The following DOCK9 variants were observed in gnomAD, a reference collection of about 807,000 sequenced individuals.
DOCK9 encodes the protein dedicator of cytokinesis protein 9.
DOCK9 carries 89 observed loss-of-function variants against 263.3 expected under a neutral mutation model. That is an observed-to-expected ratio of 0.34 (90% CI 0.28 to 0.40). The LOEUF (loss-of-function observed/expected upper bound fraction) is 0.40. DOCK9 is among the 10% of genes least tolerant of loss of function. The pLI, the probability that DOCK9 is intolerant of heterozygous loss-of-function variation, is 1.00. For missense variants in DOCK9, 2,140 were observed against 2,603.4 expected, an observed-to-expected ratio of 0.82 and a Z score of 3.87; for synonymous variants, 976 against 973.1, an observed-to-expected ratio of 1.00 and a Z score of -0.06.
chr13:98,921,133 G>T, intron 6 of DOCK9, 45 bp from the exon 7 acceptor site: 1 of 1,552,782 alleles, frequency 6.4e-7, no homozygotes, highest in South Asian at 1.2e-5. Context: ...AAATGAAGAG[G>T]GTCACAATCT....
intron 13 of DOCK9, among the ~76,000 whole-genome samples, chr13:98,899,865 G>C (rs2048009581): frequency 6.6e-6 from 1 of 152,150 alleles, no homozygotes; most frequent in Non-Finnish European, 1.5e-5. Flanking sequence ...TTTTCCCTTT[G>C]GGCTTTTTTC....
intron 1 of DOCK9, among the ~76,000 whole-genome samples, chr13:98,975,484 C>T (rs903671351): frequency 3.3e-5 from 5 of 150,738 alleles, no homozygotes; most frequent in African/African-American, 9.7e-5. Context: ...CACACACACA[C>T]ACACACACAC....
chr13:98,885,619 C>G, intron 20 of DOCK9, 89 bp downstream of exon 20: 1 of 1,410,446 alleles, frequency 7.1e-7, no homozygotes, highest in Non-Finnish European at 9.4e-7. Flanking sequence ...GATCCCTTTG[C>G]AAAAAGATGG....
At chr13:98,970,382 G>A (rs1428915581) in intron 1 of DOCK9, among the ~76,000 whole-genome samples, 1 of 152,194 alleles carries the variant, frequency 6.6e-6, no homozygotes, top group Admixed American at 6.5e-5. Context: ...AGTGGAACAG[G>A]CAGTCCAGAG....
At chr13:98,919,159 G>C (rs2051422612) in intron 7 of DOCK9, among the ~76,000 whole-genome samples, 2 of 149,986 alleles carry the variant, frequency 1.3e-5, no homozygotes, top group Admixed American at 6.7e-5. Context: ...ACCCAGGCTA[G>C]AGTGCAATGG....
intron 27 of DOCK9, 56 bp from the exon 28 acceptor site, chr13:98,868,433 G>T: frequency 6.6e-7 from 1 of 1,520,484 alleles, no homozygotes; most frequent in Non-Finnish European, 8.9e-7. Flanking sequence ...TCATTTGGGA[G>T]GAAAAAATAT....
At chr13:99,054,629 A>T (rs537183010) in intron 1 of DOCK9, among the ~76,000 whole-genome samples, 79 of 152,350 alleles carry the variant, frequency 5.2e-4, no homozygotes, top group African/African-American at 1.9e-3. Flanking sequence ...AAGTTCTTCC[A>T]TTGCTACTGC....
chr13:98,948,175 G>A (rs1179158861), intron 2 of DOCK9, among the ~76,000 whole-genome samples: 2 of 152,152 alleles, frequency 1.3e-5, no homozygotes, highest in African/African-American at 2.4e-5. Context: ...GTAAGTAGAA[G>A]AGGAAAAGAA....
chr13:99,076,845 C>T (rs976557574), intron 1 of DOCK9, among the ~76,000 whole-genome samples: 14 of 152,008 alleles, frequency 9.2e-5, no homozygotes, highest in Non-Finnish European at 1.8e-4. Flanking sequence ...AGACATTAAG[C>T]AAATGTACAA....
intron 34 of DOCK9, among the ~76,000 whole-genome samples, chr13:98,853,864 G>A (rs563256705): frequency 2.6e-5 from 4 of 152,194 alleles, no homozygotes; most frequent in Non-Finnish European, 5.9e-5. Flanking sequence ...AAGTATGTGT[G>A]CTAGGATCAA....
intron 1 of DOCK9, among the ~76,000 whole-genome samples, chr13:99,054,350 A>G (rs2040829356): frequency 6.6e-6 from 1 of 152,232 alleles, no homozygotes; most frequent in Admixed American, 6.5e-5. Flanking sequence ...ATGGCCCACT[A>G]TAACCTAGAG....
At position 98,883,874 on chromosome 13, in the gene DOCK9, A is replaced by T; in HGVS notation, c.2408T>A (p.Val803Glu). 6.2e-7 allele frequency: 1 copy of T among 1,611,850 alleles called. No individual in the cohort carries two copies. The highest frequency in any genetic ancestry group is 1.1e-5 in the South Asian group (1 of 90,240). Residue 803 changes from valine (V) to glutamate (E), a missense_variant, in exon 22 of 53, where the codon GTA (valine) becomes GAA (glutamate). Physicochemically the swap from Val to Glu is moderately radical, Grantham distance 121 (BLOSUM62 -2). This residue lies in a region of DOCK9 where 1,521 missense variants were observed against 1,741.7 expected (regional missense o/e 0.87). Transcript: ENST00000682017. ...TTTCAGCAGTGGCTTGCCTCCATCT[A>T]CCCATTTAATTTCCGGACCATAATG... ...GRHYGPEIKW[V>E]DGGKPLLKIS...
intron 9 of DOCK9, among the ~76,000 whole-genome samples, chr13:98,908,305 G>A (rs1196760611): frequency 5.3e-5 from 8 of 152,176 alleles, no homozygotes; most frequent in African/African-American, 1.9e-4. Flanking sequence ...AGCCTTTTGG[G>A]ACGGTAACCT....
chr13:98,937,804 G>A (rs1236990726), intron 2 of DOCK9, among the ~76,000 whole-genome samples: 1 of 151,426 alleles, frequency 6.6e-6, no homozygotes, highest in Non-Finnish European at 1.5e-5. Context: ...TCCAAGTCTA[G>A]TTTGGAATGA....
chr13:98,829,823 G>T lies in DOCK9; in HGVS notation c.4636-67C>A. Reference sequence around the variant, plus strand: ...ATGACTGCCCAGGCTGGGCTTCTGCGTTCAGTTAGGATGTGCCTAAGGACC... The same window carrying T: ...ATGACTGCCCAGGCTGGGCTTCTGCTTTCAGTTAGGATGTGCCTAAGGACC... On this transcript the variant is annotated intron_variant, in intron 41 of 52. Coordinates refer to ENST00000682017, the MANE Select transcript of DOCK9 (RefSeq NM_001366683.2). This position sits in a 1 kb window ranked among gnomAD's most constrained non-coding sequence, Gnocchi z 4.1. The T allele has an allele frequency of 2.1e-6, 3 of 1,399,438 alleles. No homozygotes were observed. Among genetic ancestry groups the T allele is most frequent in the South Asian group, 1.2e-5 (1 of 80,696 alleles). 86.7% of individuals were successfully genotyped at this position (1,399,438 alleles called of 1,614,324 possible). A position where few individuals can be genotyped will look rare whatever the true frequency, so the allele number is the denominator to read the frequency against.
rs528104765 is a variant in DOCK9 at position 99,038,430 on chromosome 13, G to A, written c.129+47793C>T. Among the ~76,000 whole-genome samples the A allele has an allele frequency of 1.1e-3, 171 of 149,562 alleles. 2 individuals are homozygous for A. The highest frequency in any genetic ancestry group is 3.6e-3 in the African/African-American group (144 of 40,528). On this transcript the variant is annotated intron_variant, in intron 1 of 32. Coordinates refer to the DOCK9 transcript ENST00000427887. ...AGCGATTCTCCTGCCTCAGCCTCCC[G>A]AGTAGCTGGGATTACAGGCACCCAC...
rs1488925484 is a variant in DOCK9, at chr13:98,995,519, C to T, written c.130-39968G>A. Among the ~76,000 whole-genome samples the T allele has an allele frequency of 7.2e-5, 10 of 138,190 alleles. No individual in the cohort carries two copies. The East Asian group carries it at 1.1e-3, about 15-fold the overall frequency. The allele number at this position is 138,190 out of a possible 152,430, so 90.7% of individuals were successfully genotyped here. ...TTTTTTTTTTTTTGAGACAGAGTCT[C>T]GCTCTGTCCCCCAGGCTGGAGTACA... On this transcript the variant is annotated intron_variant, in intron 1 of 32. Transcript: ENST00000427887.
At position 98,837,460 on chromosome 13, in the gene DOCK9, AAACTAGAACCACGAAC is replaced by A. The variant is rs2093047498; in HGVS notation, c.4314+18_4314+33del. 2 of 1,488,348 alleles carry A rather than the reference AAACTAGAACCACGAAC, an allele frequency of 1.3e-6. No individual in the cohort carries two copies. The highest frequency in any genetic ancestry group is 2.8e-5 in the African/African-American group (2 of 72,330). 92.2% of individuals were successfully genotyped at this position (1,488,348 alleles called of 1,614,324 possible). On this transcript the variant is annotated intron_variant, in intron 39 of 52. Coordinates refer to ENST00000682017, the MANE Select transcript of DOCK9 (RefSeq NM_001366683.2). ...CCAAGCAGAATGAATGTGAAAGGTA[AAACTAGAACCACGAAC>A]AGCAAATTGATACAAACCTTAAACG...
At chr13:99,009,218 C>T (rs1884036010) in intron 1 of DOCK9, among the ~76,000 whole-genome samples, 1 of 152,180 alleles carries the variant, frequency 6.6e-6, no homozygotes, top group African/African-American at 2.4e-5. Flanking sequence ...ATTGGCTGCA[C>T]TCAAAAGCAG....
Sources: gnomAD v4.1 joint callset for allele counts (sites outside exome capture counted in the v4.1 genomes callset) on GRCh38, gnomAD v4.1.1 for gene constraint, gnomAD v4.1.1 regional missense constraint, Gnocchi (gnomAD v3.1) non-coding constraint, MANE v1.5 for transcripts, NCBI Gene and HGNC (gene_info 2026-07-23, HGNC 2026-07-21) for gene names.